The following L3HYPDH variants were observed in gnomAD, a reference collection of about 807,000 sequenced individuals.
L3HYPDH encodes the protein trans-L-3-hydroxyproline dehydratase.
Under a neutral mutation model 26.5 loss-of-function variants are expected in L3HYPDH, and 32 were observed. That is an observed-to-expected ratio of 1.21 (90% CI 0.91 to 1.62). L3HYPDH has a LOEUF of 1.62. L3HYPDH is among the 40% of genes most tolerant of loss of function. The probability of loss-of-function intolerance (pLI) is 0.00; values close to 1 mark genes in which losing one functional copy is unlikely to be tolerated. For missense variants in L3HYPDH, 554 were observed against 476.4 expected, an observed-to-expected ratio of 1.16 and a Z score of -1.52; for synonymous variants, 215 against 196.6, an observed-to-expected ratio of 1.09 and a Z score of -0.78.
intron 4 of L3HYPDH, chr14:59,475,211 A>T (rs1291240012): frequency 6.6e-6 from 1 of 151,610 alleles, no homozygotes; most frequent in Non-Finnish European, 1.5e-5. Context: ...CAAAAAAACA[A>T]AAAAAAACCC....
chr14:59,492,453 T>C, the L3HYPDH span, among the ~76,000 whole-genome samples: 1 of 152,198 alleles, frequency 6.6e-6, no homozygotes, highest in Non-Finnish European at 1.5e-5. Flanking sequence ...GTCTCTCTTA[T>C]AACAATTCCA....
chr14:59,503,646 G>A, the L3HYPDH span, among the ~76,000 whole-genome samples: 54 of 152,298 alleles, frequency 3.5e-4, 1 homozygote, highest in South Asian at 8.1e-3. Flanking sequence ...CCTCTACTGA[G>A]TGCTTATATG....
downstream of L3HYPDH, among the ~76,000 whole-genome samples, chr14:59,468,606 C>A (rs548297788): frequency 6.6e-6 from 1 of 152,256 alleles, no homozygotes; most frequent in African/African-American, 2.4e-5. Flanking sequence ...AGCACATAAC[C>A]ATGGTCTATA....
rs1264581058 is a variant in L3HYPDH at position 59,483,859 on chromosome 14, C to G, written c.458G>C (p.Ser153Thr). Reference sequence around the variant, plus strand: ...GCTGTGGAAGCGCACCGGTCCGTGGCTGCGGCCGTCCTCGCATGCCACGAA... The same window carrying G: ...GCTGTGGAAGCGCACCGGTCCGTGGGTGCGGCCGTCCTCGCATGCCACGAA... The part of the protein sequence containing the change: ...TAFVACEDGR[S>T]HGPVRFHSVP... Residue 153 changes from serine to threonine, a missense_variant, in exon 1 of 5, where the codon AGC (serine) becomes ACC (threonine). By Grantham distance (58) the Ser-to-Thr change is moderately conservative. Coordinates refer to ENST00000247194, the MANE Select transcript of L3HYPDH (RefSeq NM_144581.2). 1.9e-6 allele frequency: 3 copies of G among 1,584,948 alleles called. No homozygotes were observed. The highest frequency in any genetic ancestry group is 2.6e-6 in the Non-Finnish European group (3 of 1,172,866).
downstream of L3HYPDH, among the ~76,000 whole-genome samples, chr14:59,469,864 C>G (rs1295821860): frequency 6.6e-6 from 1 of 152,020 alleles, no homozygotes; most frequent in Non-Finnish European, 1.5e-5. Context: ...TGGTTAGTCT[C>G]TCTACAAGAG....
chr14:59,495,328 T>A, the L3HYPDH span: 1 of 797,920 alleles, frequency 1.3e-6, no homozygotes, highest in Non-Finnish European at 2.1e-6. Context: ...GGGTTTGAGT[T>A]CTGGGTCTGC....
the L3HYPDH span, among the ~76,000 whole-genome samples, chr14:59,492,365 A>G: frequency 5.3e-5 from 8 of 152,224 alleles, no homozygotes; most frequent in African/African-American, 1.7e-4. Flanking sequence ...ATGGAAAATC[A>G]GGTGCAAGAA....
intron 1 of L3HYPDH, among the ~76,000 whole-genome samples, chr14:59,483,191 C>T (rs1386490346): frequency 6.6e-6 from 1 of 152,154 alleles, no homozygotes; most frequent in East Asian, 1.9e-4. Flanking sequence ...GAAACACAGG[C>T]ACAGAGAGAT....
At chr14:59,492,892 G>A in the L3HYPDH span, among the ~76,000 whole-genome samples, 1 of 150,746 alleles carries the variant, frequency 6.6e-6, no homozygotes, top group African/African-American at 2.4e-5. Flanking sequence ...TCGCCTCCCA[G>A]GTTCACGTCA....
upstream of L3HYPDH, chr14:59,484,507 C>G: frequency 6.6e-7 from 1 of 1,524,920 alleles, no homozygotes; most frequent in South Asian, 1.2e-5. Context: ...GCGGAGCCGC[C>G]GAGCTCGCTG....
chr14:59,501,245 A>T, the L3HYPDH span: 1 of 1,602,272 alleles, frequency 6.2e-7, no homozygotes, highest in African/African-American at 1.3e-5. Flanking sequence ...CTGGCTGTGT[A>T]CATGTCTGCT....
At chr14:59,496,868 A>G in the L3HYPDH span, among the ~76,000 whole-genome samples, 1 of 152,176 alleles carries the variant, frequency 6.6e-6, no homozygotes, top group Non-Finnish European at 1.5e-5. Context: ...ATTATGAGAT[A>G]TTATATAGTA....
upstream of L3HYPDH, chr14:59,484,685 C>T (rs2139845463): frequency 1.4e-6 from 2 of 1,460,622 alleles, no homozygotes; most frequent in African/African-American, 1.4e-5. Flanking sequence ...TTGTAGGCGG[C>T]CTTCGGTTGG....
the L3HYPDH span, among the ~76,000 whole-genome samples, chr14:59,491,350 A>G: frequency 6.6e-6 from 1 of 152,230 alleles, no homozygotes; most frequent in South Asian, 2.1e-4. Flanking sequence ...TAGTTTAATG[A>G]GAGGAGTTCT....
chr14:59,504,508 T>A, the L3HYPDH span: 1 of 157,216 alleles, frequency 6.4e-6, no homozygotes, highest in African/African-American at 2.4e-5. Flanking sequence ...ACAAACATAC[T>A]TGTGGGGTCT....
At chr14:59,465,972 C>T (rs1889159026) in intron 1 of L3HYPDH, among the ~76,000 whole-genome samples, 2 of 152,186 alleles carry the variant, frequency 1.3e-5, no homozygotes, top group African/African-American at 2.4e-5. Context: ...CAGGACCACA[C>T]TTACAGAAGC....
At chr14:59,470,152 C>T (rs1889277087), downstream of L3HYPDH, among the ~76,000 whole-genome samples, 1 of 152,132 alleles carries the variant, frequency 6.6e-6, no homozygotes, top group Non-Finnish European at 1.5e-5. Context: ...AGGTGGAGAG[C>T]TAACAGGCTT....
the L3HYPDH span, among the ~76,000 whole-genome samples, chr14:59,490,464 GGC>G: frequency 6.6e-6 from 1 of 152,158 alleles, no homozygotes; most frequent in Non-Finnish European, 1.5e-5. Context: ...GTATGGAAGT[GGC>G]ATCATTTGAT....
the L3HYPDH span, chr14:59,498,997 A>G: frequency 2.0e-6 from 1 of 492,848 alleles, no homozygotes; most frequent in Non-Finnish European, 3.2e-6. Flanking sequence ...ATTTTTCCTT[A>G]AGATAGTTTG....
Sources: gnomAD v4.1 joint callset for allele counts (sites outside exome capture counted in the v4.1 genomes callset) on GRCh38, gnomAD v4.1.1 for gene constraint, MANE v1.5 for transcripts, NCBI Gene and HGNC (gene_info 2026-07-23, HGNC 2026-07-21) for gene names.